CYB5R3: variants seen among roughly 807,000 people sequenced by gnomAD.
The protein encoded by CYB5R3 is cytochrome b5 reductase 3, also known as NADH-cytochrome b5 reductase 3.
A neutral mutation model predicts 36.5 loss-of-function variants in CYB5R3; 28 were observed. The ratio of observed to expected loss-of-function variants is 0.77; its 90% CI spans 0.57 to 1.05. The LOEUF is 1.05. CYB5R3 is among the 50% of genes least tolerant of loss of function. The probability of loss-of-function intolerance (pLI) is 0.00; values close to 1 mark genes in which losing one functional copy is unlikely to be tolerated. For synonymous variants in CYB5R3, 181 were observed against 159.8 expected, an observed-to-expected ratio of 1.13 and a Z score of -1.00; for missense variants, 474 against 408.9, an observed-to-expected ratio of 1.16 and a Z score of -1.37.
intron 1 of CYB5R3, among the ~76,000 whole-genome samples, chr22:42,637,179 G>A (rs114238553): frequency 1.7e-3 from 266 of 152,308 alleles, no homozygotes; most frequent in African/African-American, 5.8e-3. Flanking sequence ...AGGAAGCTCA[G>A]AGTAAAATTA....
rs8190451 is a variant in CYB5R3 at position 42,627,426 on chromosome 22, C to T, written c.548-37G>A. The T allele has an allele frequency of 1.3e-3, 2,045 of 1,602,746 alleles. 23 individuals are homozygous for T. The African/African-American group carries it at 0.023, about 18-fold the overall frequency. The stretch of plus-strand genomic sequence containing the variant: ...CCGGCCGGGCCTCGCACGTGCTGAG[C>T]GAGGCCTGTTCACAGGCACCGCCCC... On this transcript the variant is annotated intron_variant, in intron 6 of 8. Transcript: ENST00000352397.
intron 4 of CYB5R3, 51 bp downstream of exon 4, chr22:42,630,831 C>T: frequency 3.4e-6 from 5 of 1,488,916 alleles, no homozygotes; most frequent in Non-Finnish European, 4.6e-6. Flanking sequence ...TGGGCTGTTG[C>T]CATGGCCACC....
intron 1 of CYB5R3, chr22:42,646,662 G>C (rs1601953493): frequency 1.0e-6 from 1 of 985,686 alleles, no homozygotes; most frequent in East Asian, 1.1e-4. Context: ...CTGCCCGCCA[G>C]CGGTCCTGCC....
intron 5 of CYB5R3, 143 bp downstream of exon 5, chr22:42,628,009 C>G (rs1372859297): frequency 8.1e-7 from 1 of 1,237,650 alleles, no homozygotes; most frequent in East Asian, 2.3e-5. Context: ...GCCAGGGAGA[C>G]TCAGTTCCCA....
intron 1 of CYB5R3, chr22:42,644,750 G>A: frequency 1.5e-6 from 1 of 686,980 alleles, no homozygotes; most frequent in Non-Finnish European, 1.8e-6. Context: ...CATTGTTGGG[G>A]GCCCTGGCAA....
chr22:42,649,380 C>T lies in CYB5R3; in HGVS notation c.-65G>A. 2 of 567,520 alleles carry T rather than the reference C, an allele frequency of 3.5e-6. No homozygotes were observed. Among genetic ancestry groups the T allele is most frequent in the Non-Finnish European group, 2.2e-6 (1 of 444,516 alleles). The allele number at this position is 567,520 out of a possible 1,614,324, so 35.2% of individuals were successfully genotyped here. A position where few individuals can be genotyped will look rare whatever the true frequency, so the allele number is the denominator to read the frequency against. On this transcript the variant is annotated 5_prime_UTR_variant, in exon 1 of 9. Coordinates refer to ENST00000352397, the MANE Select transcript of CYB5R3 (RefSeq NM_000398.7). ...CGCCGCCGAGACCGTCGCGCCCGGGCCCGCGTCACTCCGGAGCAGGGGCGG... is the reference window on the plus strand; with the variant it reads ...CGCCGCCGAGACCGTCGCGCCCGGGTCCGCGTCACTCCGGAGCAGGGGCGG...
chr22:42,624,025 A>G, intron 7 of CYB5R3, 137 bp from the exon 8 acceptor site: 1 of 739,936 alleles, frequency 1.4e-6, no homozygotes. Context: ...GGACTCGGCC[A>G]GAGATCACCC....
chr22:42,644,655 C>T (rs1929454554), intron 1 of CYB5R3: 2 of 1,421,204 alleles, frequency 1.4e-6, no homozygotes, highest in Non-Finnish European at 1.8e-6. Flanking sequence ...CTGCTATCGA[C>T]CTCTCCCTCA....
intron 1 of CYB5R3, 27 bp downstream of exon 1, chr22:42,649,268 C>T (rs889403182): frequency 1.6e-5 from 15 of 964,240 alleles, no homozygotes; most frequent in African/African-American, 1.1e-4. Context: ...CGACGCCCCG[C>T]GGCCCCGGCG....
intron 1 of CYB5R3, among the ~76,000 whole-genome samples, chr22:42,638,054 G>C: frequency 6.6e-6 from 1 of 152,156 alleles, no homozygotes; most frequent in East Asian, 1.9e-4. Flanking sequence ...TTCAAGACCA[G>C]CCTGGGCAAC....
In CYB5R3 at chr22:42,627,638, C is replaced by T. The variant is rs781717895; in HGVS notation, c.514G>A (p.Val172Met). 3 of 1,614,222 alleles carry T rather than the reference C, an allele frequency of 1.9e-6. No homozygotes were observed. The highest frequency in any genetic ancestry group is 1.7e-5 in the Admixed American group (1 of 60,034). The change falls in exon 6 of 9, where the codon GTG becomes ATG. Residue 172 changes from valine to methionine, a missense_variant. Val to Met is a conservative substitution (Grantham distance 21). Coordinates refer to ENST00000352397, the MANE Select transcript of CYB5R3 (RefSeq NM_000398.7). ...CCCGCGATCATGCCCACAGACTTCA[C>T]TGTCCTGATGATAGGGTTGGACTTT... ...DKKSNPIIRT[V>M]KSVGMIAGGT... is the part of the protein sequence containing the mutation.
chr22:42,648,852 A>ACC (rs3216441), intron 1 of CYB5R3, among the ~76,000 whole-genome samples: 25,728 of 151,678 alleles, frequency 0.17, 2,401 homozygotes, highest in African/African-American at 0.25. Flanking sequence ...ACACACACAC[A>ACC]CCCCATCACA....
At chr22:42,648,875 C>T (rs1224330158) in intron 1 of CYB5R3, among the ~76,000 whole-genome samples, 1 of 152,150 alleles carries the variant, frequency 6.6e-6, no homozygotes, top group Non-Finnish European at 1.5e-5. Flanking sequence ...TTTCCATGCC[C>T]GCCCTTCACA....
Position 42,631,630 on chromosome 22 carries a change from G to A in CYB5R3, c.154-180C>T, listed in dbSNP as rs866526994. 1.0e-4 allele frequency: 65 copies of A among 653,100 alleles called. No homozygotes were observed. In the Middle Eastern group the frequency reaches 2.0e-3, roughly 20 times the overall value. The allele number at this position is 653,100 out of a possible 1,614,324, so 40.5% of individuals were successfully genotyped here. A position where few individuals can be genotyped will look rare whatever the true frequency, so the allele number is the denominator to read the frequency against. ...ACAGATGCACACACATGCACGCTGC[G>A]TGTGAGGTGCTGAGGCCAGGCGCAC... On this transcript the variant is annotated intron_variant, in intron 2 of 8. Coordinates refer to ENST00000352397, the MANE Select transcript of CYB5R3 (RefSeq NM_000398.7).
At position 42,618,582 on chromosome 22, in the gene CYB5R3, G is replaced by A. The variant is rs994898564; in HGVS notation, c.*1191C>T. 1 of 151,250 alleles carries A rather than the reference G, an allele frequency of 6.6e-6. No homozygotes were observed. Among genetic ancestry groups the A allele is most frequent in the Non-Finnish European group, 1.5e-5 (1 of 67,894 alleles). The allele number at this position is 151,250 out of a possible 1,614,324, so 9.4% of individuals were successfully genotyped here. ...ACAAAAACTAGCTGGGTGTGGTGGT[G>A]GGCACTTTTAGTCCCAGCTACTCGG... On this transcript the variant is annotated 3_prime_UTR_variant, in exon 9 of 9. Coordinates refer to ENST00000352397, the MANE Select transcript of CYB5R3 (RefSeq NM_000398.7).
chr22:42,628,653 C>T (rs554111824), intron 4 of CYB5R3, among the ~76,000 whole-genome samples: 1 of 152,364 alleles, frequency 6.6e-6, no homozygotes, highest in Admixed American at 6.5e-5. Context: ...CTAAGCCACA[C>T]TCCTCCTGGT....
In CYB5R3 at chr22:42,638,257, G is replaced by T. The variant is rs993354942; in HGVS notation, c.22-1411C>A. 2.6e-5 allele frequency among the ~76,000 whole-genome samples: 4 copies of T among 151,752 alleles called. No individual in the cohort carries two copies. In the South Asian group the frequency reaches 8.3e-4, roughly 32 times the overall value. ...CTAAAAATACAAAAATTAGCCGGGCGTGGTGGCAGGTGCCTGTAATCCCAG... is the reference window on the plus strand; with the variant it reads ...CTAAAAATACAAAAATTAGCCGGGCTTGGTGGCAGGTGCCTGTAATCCCAG... On this transcript the variant is annotated intron_variant, in intron 1 of 8. Coordinates refer to ENST00000352397, the MANE Select transcript of CYB5R3 (RefSeq NM_000398.7).
intron 2 of CYB5R3, among the ~76,000 whole-genome samples, chr22:42,635,727 T>G (rs1211324597): frequency 6.6e-6 from 1 of 152,114 alleles, no homozygotes; most frequent in Non-Finnish European, 1.5e-5. Flanking sequence ...GGTGGAGACT[T>G]GGGCCCTGGC....
chr22:42,623,193 C>T (rs1035972290), intron 8 of CYB5R3, among the ~76,000 whole-genome samples: 3 of 152,162 alleles, frequency 2.0e-5, no homozygotes, highest in Non-Finnish European at 4.4e-5. Flanking sequence ...TATCTGAAGC[C>T]GAAAAGGGAA....
Sources: gnomAD v4.1 joint callset for allele counts (sites outside exome capture counted in the v4.1 genomes callset) on GRCh38, gnomAD v4.1.1 for gene constraint, MANE v1.5 for transcripts, NCBI Gene and HGNC (gene_info 2026-07-23, HGNC 2026-07-21) for gene names.